GLB1: variants seen among roughly 807,000 people sequenced by gnomAD.
The protein encoded by GLB1 is galactosidase beta 1.
Under a neutral mutation model 74.0 loss-of-function variants are expected in GLB1, and 56 were observed. That is an observed-to-expected ratio of 0.76 (90% CI 0.61 to 0.94). The LOEUF (loss-of-function observed/expected upper bound fraction) is 0.94, where lower values mean the gene tolerates loss of function less well. Among genes scored for constraint, GLB1 ranks in the 40% least tolerant of loss-of-function variants. GLB1 has a pLI of 0.00. For missense variants in GLB1, 787 were observed against 845.5 expected, an observed-to-expected ratio of 0.93 and a Z score of 0.86; for synonymous variants, 323 against 323.6, an observed-to-expected ratio of 1.00 and a Z score of 0.02.
chr3:32,984,386 C>T, the GLB1 span, among the ~76,000 whole-genome samples: 1 of 152,212 alleles, frequency 6.6e-6, no homozygotes, highest in African/African-American at 2.4e-5. Context: ...TAGAGCCACT[C>T]AGCTTAATGT....
chr3:33,000,608 T>G (rs1421567622), intron 15 of GLB1, among the ~76,000 whole-genome samples: 1 of 152,136 alleles, frequency 6.6e-6, no homozygotes, highest in Non-Finnish European at 1.5e-5. Context: ...GTGCCTGTAA[T>G]CCCAGCTACT....
chr3:32,996,827 T>C lies in GLB1; in HGVS notation c.*218A>G. ...AGCTTCCATTCCAGCCCTGCAGATATGTATGCACGTTACTGTGCTGTCAGC... is the reference window on the plus strand; with the variant it reads ...AGCTTCCATTCCAGCCCTGCAGATACGTATGCACGTTACTGTGCTGTCAGC... On this transcript the variant is annotated 3_prime_UTR_variant, in exon 16 of 16. Transcript: ENST00000307363. 2.9e-6 allele frequency: 2 copies of C among 695,034 alleles called. No homozygotes were observed. The highest frequency in any genetic ancestry group is 4.7e-6 in the Non-Finnish European group (2 of 426,132). 43.1% of individuals were successfully genotyped at this position (695,034 alleles called of 1,614,324 possible). A position where few individuals can be genotyped will look rare whatever the true frequency, so the allele number is the denominator to read the frequency against.
chr3:32,977,728 A>G, the GLB1 span, among the ~76,000 whole-genome samples: 1 of 152,180 alleles, frequency 6.6e-6, no homozygotes, highest in East Asian at 1.9e-4. Context: ...TCAGTGGTAA[A>G]CAAAGAACTA....
the GLB1 span, among the ~76,000 whole-genome samples, chr3:32,963,334 A>G: frequency 2.6e-5 from 4 of 152,216 alleles, no homozygotes; most frequent in Non-Finnish European, 4.4e-5. Flanking sequence ...TAGAAGTTCT[A>G]AAAGGAAACA....
At chr3:32,979,637 G>T in the GLB1 span, among the ~76,000 whole-genome samples, 1 of 151,768 alleles carries the variant, frequency 6.6e-6, no homozygotes, top group East Asian at 1.9e-4. Flanking sequence ...AGGATTTCTT[G>T]CGAATAAGAC....
intron 15 of GLB1, among the ~76,000 whole-genome samples, chr3:33,000,708 T>TAG (rs1201284818): frequency 1.3e-5 from 2 of 152,136 alleles, no homozygotes; most frequent in South Asian, 4.2e-4. Flanking sequence ...GCCTGGGTGA[T>TAG]AGAGCAAGAC....
chr3:32,980,338 C>A, the GLB1 span, among the ~76,000 whole-genome samples: 1 of 152,196 alleles, frequency 6.6e-6, no homozygotes, highest in Non-Finnish European at 1.5e-5. Context: ...AGGCATGAGC[C>A]ACCACACTGG....
chr3:33,093,715 TC>T lies in GLB1; in HGVS notation c.75+3295del. On this transcript the variant is annotated intron_variant, in intron 1 of 15. Transcript: ENST00000307363. The surrounding 1 kb of genome is among the most constrained non-coding windows in gnomAD (Gnocchi z 6.0). ...GCCAGGGCAGGCCTGAGCACGAGCT[TC>T]CTTGTCTTCTCAAGGCTGCCCACGA... 1 of 1,614,084 alleles carries T rather than the reference TC, an allele frequency of 6.2e-7. No homozygotes were observed. Among genetic ancestry groups the T allele is most frequent in the Non-Finnish European group, 8.5e-7 (1 of 1,179,996 alleles).
chr3:32,974,088 T>C, the GLB1 span, among the ~76,000 whole-genome samples: 3 of 152,144 alleles, frequency 2.0e-5, no homozygotes, highest in African/African-American at 7.2e-5. Context: ...AAACACAAAC[T>C]CATGACTAAG....
At chr3:33,016,671 C>G (rs1184582050) in intron 14 of GLB1, 38 bp downstream of exon 14, 1 of 1,611,674 alleles carries the variant, frequency 6.2e-7, no homozygotes, top group African/African-American at 1.3e-5. Flanking sequence ...AAGTTGTCAC[C>G]CCTTAAACCT....
At chr3:32,978,689 G>A in the GLB1 span, among the ~76,000 whole-genome samples, 1 of 152,126 alleles carries the variant, frequency 6.6e-6, no homozygotes, top group Non-Finnish European at 1.5e-5. Flanking sequence ...GAAGGGAAAG[G>A]AGAAGAGGGA....
At chr3:33,011,791 A>G (rs1470518091) in intron 15 of GLB1, among the ~76,000 whole-genome samples, 1 of 152,186 alleles carries the variant, frequency 6.6e-6, no homozygotes, top group Non-Finnish European at 1.5e-5. Flanking sequence ...AGCTATTAAC[A>G]TAATTTTCTC....
intron 10 of GLB1, chr3:33,034,875 A>G (rs888740080): frequency 1.1e-5 from 5 of 470,000 alleles, no homozygotes; most frequent in African/African-American, 6.0e-5. Flanking sequence ...CTGCCTTAAC[A>G]TGATCAGAGA....
At chr3:33,090,800 T>A in intron 1 of GLB1, 1 of 985,382 alleles carries the variant, frequency 1.0e-6, no homozygotes, top group Middle Eastern at 5.2e-4. Context: ...ATACATAGGA[T>A]GGACCTGTTT....
Position 33,027,520 on chromosome 3 carries a change from C to A in GLB1, c.1069-3195G>T, listed in dbSNP as rs113236366. 1.1e-3 allele frequency among the ~76,000 whole-genome samples: 172 copies of A among 152,358 alleles called. 1 individual carries two copies. The highest frequency in any genetic ancestry group is 4.1e-3 in the African/African-American group (169 of 41,594). On this transcript the variant is annotated intron_variant, in intron 10 of 15. Transcript: ENST00000307363. ...AGCCAGAAAAGTGACACCCGGCTCA[C>A]GCCTATATTCCCAGCACTTTGGGAG...
At chr3:32,968,704 A>G in the GLB1 span, among the ~76,000 whole-genome samples, 63,252 of 152,038 alleles carry the variant, frequency 0.42, 14,312 homozygotes, top group East Asian at 0.65. Flanking sequence ...GAGGCCAACC[A>G]GGAGAAGGCT....
Position 33,093,656 on chromosome 3 carries a change from C to A in GLB1, c.75+3355G>T. On this transcript the variant is annotated intron_variant, in intron 1 of 15. Coordinates refer to ENST00000307363, the MANE Select transcript of GLB1 (RefSeq NM_000404.4). The surrounding 1 kb of genome is among the most constrained non-coding windows in gnomAD (Gnocchi z 6.0). ...CCGGGGGCTGCGCGGCATTCAGAAT[C>A]CCGGCCACGCTGAGCACAGCAGTCA... 1 of 1,614,200 alleles carries A rather than the reference C, an allele frequency of 6.2e-7. No homozygotes were observed. Among genetic ancestry groups the A allele is most frequent in the Non-Finnish European group, 8.5e-7 (1 of 1,180,044 alleles).
chr3:33,054,466 G>A (rs928978727), intron 6 of GLB1, among the ~76,000 whole-genome samples: 1 of 152,120 alleles, frequency 6.6e-6, no homozygotes, highest in Non-Finnish European at 1.5e-5. Context: ...CCCAGGGCCT[G>A]GACACATATC....
rs1559412979 is a variant in GLB1, at chr3:33,074,389, G to GAA, written c.76-1678_76-1677dup. ...GGAAGGAAGGAAGGAAGGAAGGAAG[G>GAA]AAGAAAGAAAGAAAGAAAGAATATT... On this transcript the variant is annotated intron_variant, in intron 1 of 15. Coordinates refer to ENST00000307363, the MANE Select transcript of GLB1 (RefSeq NM_000404.4). 5.1e-5 allele frequency among the ~76,000 whole-genome samples: 2 copies of GAA among 38,884 alleles called. 1 individual carries two copies. The highest frequency in any genetic ancestry group is 9.4e-5 in the Non-Finnish European group (2 of 21,200). 25.5% of individuals were successfully genotyped at this position (38,884 alleles called of 152,430 possible).
Sources: gnomAD v4.1 joint callset for allele counts (sites outside exome capture counted in the v4.1 genomes callset) on GRCh38, gnomAD v4.1.1 for gene constraint, Gnocchi (gnomAD v3.1) non-coding constraint, MANE v1.5 for transcripts, NCBI Gene and HGNC (gene_info 2026-07-23, HGNC 2026-07-21) for gene names.